The following ARAP2 variants were observed in gnomAD, a reference collection of about 807,000 sequenced individuals.
ARAP2 encodes the protein ArfGAP with RhoGAP domain, ankyrin repeat and PH domain 2, also known as arf-GAP with Rho-GAP domain, ANK repeat and PH domain-containing protein 2.
Under a neutral mutation model 194.5 loss-of-function variants are expected in ARAP2, and 148 were observed. The observed-to-expected ratio is 0.76, with a 90% CI of 0.67 to 0.87. The LOEUF (loss-of-function observed/expected upper bound fraction) is 0.87. Ranked by LOEUF, ARAP2 falls within the 40% of genes least tolerant of loss-of-function variation. The pLI is 0.00. For missense variants in ARAP2, 2,128 were observed against 1,989.7 expected, an observed-to-expected ratio of 1.07 and a Z score of -1.32; for synonymous variants, 695 against 683.5, an observed-to-expected ratio of 1.02 and a Z score of -0.26.
chr4:36,067,957 G>C lies in ARAP2; in HGVS notation c.5065C>G (p.Arg1689Gly). 1 of 1,613,378 alleles carries C rather than the reference G, an allele frequency of 6.2e-7. No homozygotes were observed. Among genetic ancestry groups the C allele is most frequent in the South Asian group, 1.1e-5 (1 of 90,928 alleles). Reference sequence around the variant, plus strand: ...AATTCTTTTGGAAGGGTTCTTGACCGTTGTAGAACCACATTAAGTTCTTCA... The same window carrying C: ...AATTCTTTTGGAAGGGTTCTTGACCCTTGTAGAACCACATTAAGTTCTTCA... The part of the protein sequence containing the change: ...VIEELNVVLQ[R>G]SRTLPKELQD... Residue 1689 changes from arginine to glycine, a missense_variant, in exon 33 of 33, where the codon CGG (arginine) becomes GGG (glycine). Physicochemically the swap from Arg to Gly is moderately radical, Grantham distance 125. Coordinates refer to ENST00000303965, the MANE Select transcript of ARAP2 (RefSeq NM_015230.4).
intron 9 of ARAP2, among the ~76,000 whole-genome samples, chr4:36,173,966 C>A (rs1737233865): frequency 6.6e-6 from 1 of 152,130 alleles, no homozygotes; most frequent in African/African-American, 2.4e-5. Flanking sequence ...TAATAATCAT[C>A]ATCATCATCA....
chr4:36,016,494 C>A (rs1037672493), intron 6 of ARAP2, among the ~76,000 whole-genome samples: 2 of 142,062 alleles, frequency 1.4e-5, no homozygotes, highest in Non-Finnish European at 3.1e-5. Flanking sequence ...ATAGCTCTTG[C>A]GTGCTTGAAA....
intron 1 of ARAP2, among the ~76,000 whole-genome samples, chr4:36,233,678 C>T (rs1398954967): frequency 2.6e-5 from 4 of 152,178 alleles, no homozygotes; most frequent in African/African-American, 9.7e-5. Flanking sequence ...GGAAATAATC[C>T]AGGGTACCTA....
chr4:36,130,146 T>TA (rs1402948783), intron 20 of ARAP2, among the ~76,000 whole-genome samples: 1 of 151,958 alleles, frequency 6.6e-6, no homozygotes, highest in East Asian at 1.9e-4. Context: ...ACTGAGTTCT[T>TA]ACTACATTGT....
chr4:36,148,949 A>C (rs1730293458), intron 16 of ARAP2, among the ~76,000 whole-genome samples: 1 of 152,140 alleles, frequency 6.6e-6, no homozygotes, highest in African/African-American at 2.4e-5. Context: ...AAACACATCA[A>C]GCATTAAATC....
intron 1 of ARAP2, among the ~76,000 whole-genome samples, chr4:36,242,092 T>C (rs754464774): frequency 6.6e-6 from 1 of 152,196 alleles, no homozygotes; most frequent in Non-Finnish European, 1.5e-5. Flanking sequence ...ATCTGGCCAA[T>C]ACTTACAAGT....
At chr4:36,173,604 A>G (rs1226035006) in intron 9 of ARAP2, among the ~76,000 whole-genome samples, 4 of 152,162 alleles carry the variant, frequency 2.6e-5, no homozygotes, top group Non-Finnish European at 4.4e-5. Context: ...AGTAATTAGC[A>G]AGAAATACAT....
intron 31 of ARAP2, among the ~76,000 whole-genome samples, chr4:36,075,048 G>C (rs1727939297): frequency 1.3e-5 from 2 of 151,960 alleles, no homozygotes; most frequent in South Asian, 4.2e-4. Context: ...GAAAGTTATA[G>C]CTTCACATTA....
chr4:36,073,103 T>C (rs1288858976), intron 32 of ARAP2, among the ~76,000 whole-genome samples: 4 of 152,144 alleles, frequency 2.6e-5, no homozygotes, highest in Admixed American at 2.6e-4. Context: ...GTAAACAGCC[T>C]ATGTTCTTTG....
chr4:36,188,972 G>A (rs1578213773), intron 7 of ARAP2, among the ~76,000 whole-genome samples: 1 of 152,084 alleles, frequency 6.6e-6, no homozygotes, highest in South Asian at 2.1e-4. Context: ...TCCTTCACTA[G>A]CTCTGTTCCA....
intron 10 of ARAP2, chr4:36,006,774 A>G (rs1713364702): frequency 6.6e-6 from 1 of 152,226 alleles, no homozygotes; most frequent in African/African-American, 2.4e-5. Flanking sequence ...TGCAAATTCA[A>G]GAGGAAGTGA....
chr4:36,069,773 A>G (rs1477464332), intron 32 of ARAP2, among the ~76,000 whole-genome samples: 1 of 152,086 alleles, frequency 6.6e-6, no homozygotes, highest in African/African-American at 2.4e-5. Flanking sequence ...CCCAAATCTC[A>G]TGTTCAAATG....
At position 36,177,887 on chromosome 4, in the gene ARAP2, A is replaced by G. The variant is rs149957601; in HGVS notation, c.1797T>C (p.Tyr599=). The G allele has an allele frequency of 9.3e-6, 15 of 1,613,328 alleles. No individual in the cohort carries two copies. The highest frequency in any genetic ancestry group is 1.3e-5 in the African/African-American group (1 of 74,894). ...TTAACACAGTAAAAATTTTTGCCTT[A>G]TAGCCTCTCAATTCAAGATATCCAC... The part of the protein sequence containing the change: ...EKCGYLELRG[Y]KAKIFTVLSG... The change falls in exon 9 of 33, where the codon TAT becomes TAC. Residue 599 remains tyrosine (Y), a synonymous_variant. Coordinates refer to ENST00000303965, the MANE Select transcript of ARAP2 (RefSeq NM_015230.4).
At chr4:36,044,002 G>A (rs1378768657) in intron 5 of ARAP2, among the ~76,000 whole-genome samples, 1 of 152,132 alleles carries the variant, frequency 6.6e-6, no homozygotes, top group African/African-American at 2.4e-5. Flanking sequence ...TATGATATTT[G>A]AGGTAATGCT....
At chr4:36,059,680 G>T (rs1484916685) in intron 1 of ARAP2, among the ~76,000 whole-genome samples, 1 of 152,142 alleles carries the variant, frequency 6.6e-6, no homozygotes, top group Non-Finnish European at 1.5e-5. Flanking sequence ...AGGCTACCCA[G>T]TAAAGGAACT....
intron 28 of ARAP2, among the ~76,000 whole-genome samples, chr4:36,085,596 T>C (rs1168441656): frequency 6.6e-6 from 1 of 152,136 alleles, no homozygotes; most frequent in Non-Finnish European, 1.5e-5. Context: ...TTAGTTTTAC[T>C]GTATATCTTA....
chr4:36,192,987 C>T (rs1742272979), intron 7 of ARAP2, among the ~76,000 whole-genome samples: 1 of 152,124 alleles, frequency 6.6e-6, no homozygotes, highest in Non-Finnish European at 1.5e-5. Flanking sequence ...CAGAGCAAGA[C>T]TCTGTCTCCA....
At chr4:36,095,941 C>G (rs1715046425) in intron 27 of ARAP2, among the ~76,000 whole-genome samples, 1 of 152,008 alleles carries the variant, frequency 6.6e-6, no homozygotes, top group South Asian at 2.1e-4. Context: ...CAGGATAACG[C>G]ACACACAAGA....
rs560931093 is a variant in ARAP2, at chr4:36,131,825, G to C, written c.3427+1401C>G. 1.3e-4 allele frequency among the ~76,000 whole-genome samples: 19 copies of C among 151,828 alleles called. No homozygotes were observed. The South Asian group carries it at 3.9e-3, about 31-fold the overall frequency. The stretch of plus-strand genomic sequence containing the variant: ...TAGCTGCAAAATGTACTAACACTGA[G>C]TGACTGTAACAAATGAAGGTAACAT... On this transcript the variant is annotated intron_variant, in intron 20 of 32. Coordinates refer to ENST00000303965, the MANE Select transcript of ARAP2 (RefSeq NM_015230.4).
Sources: allele counts gnomAD v4.1 joint callset (sites outside exome capture counted in the v4.1 genomes callset), GRCh38; gene constraint gnomAD v4.1.1; transcripts MANE v1.5; gene names NCBI Gene and HGNC (gene_info 2026-07-23, HGNC 2026-07-21).